Variants in RIMS1 observed in about 807,000 individuals in gnomAD.
RIMS1 encodes regulating synaptic membrane exocytosis protein 1.
In RIMS1, 83 loss-of-function variants were observed where a neutral mutation model predicts 214.1. The ratio of observed to expected loss-of-function variants is 0.39; its 90% CI spans 0.32 to 0.47. The LOEUF is 0.47. Ranked by LOEUF, RIMS1 falls within the 20% of genes least tolerant of loss-of-function variation. The pLI, the probability that RIMS1 is intolerant of heterozygous loss-of-function variation, is 0.99. For missense variants in RIMS1, 2,050 were observed against 2,161.8 expected, an observed-to-expected ratio of 0.95 and a Z score of 1.03; for synonymous variants, 793 against 786.8, an observed-to-expected ratio of 1.01 and a Z score of -0.13.
At chr6:72,106,110 G>T (rs527335935) in intron 4 of RIMS1, among the ~76,000 whole-genome samples, 2 of 151,920 alleles carry the variant, frequency 1.3e-5, no homozygotes, top group Non-Finnish European at 2.9e-5. Flanking sequence ...TTATTCATTG[G>T]CCGATTTATT....
intron 4 of RIMS1, among the ~76,000 whole-genome samples, chr6:72,140,881 C>T (rs1031811673): frequency 2.0e-5 from 3 of 151,976 alleles, no homozygotes; most frequent in Non-Finnish European, 4.4e-5. Flanking sequence ...AGCAAAAGTA[C>T]ATAGTTTTCC....
In RIMS1 at chr6:72,342,626, G is replaced by GGTGT. The variant is rs113847815; in HGVS notation, c.4366+8819_4366+8822dup. ...TTGAGGGAGTAGTAAGAGTAAGATG[G>GGTGT]GTGTGTGTGTGTGTGTGTGTGTGTG... On this transcript the variant is annotated intron_variant, in intron 29 of 33. Transcript: ENST00000521978. Among the ~76,000 whole-genome samples, 650 of 145,962 alleles carry GGTGT rather than the reference G, an allele frequency of 4.5e-3. 11 individuals are homozygous for GGTGT. In the East Asian group the frequency reaches 0.053, roughly 12 times the overall value.
rs376655069 is a variant in RIMS1 at position 72,291,977 on chromosome 6, A to G, written c.3781A>G (p.Thr1261Ala). 2.6e-6 allele frequency: 4 copies of G among 1,565,168 alleles called. No homozygotes were observed. Among genetic ancestry groups the G allele is most frequent in the Non-Finnish European group, 3.5e-6 (4 of 1,154,972 alleles). The change falls in exon 26 of 34, where the codon ACA becomes GCA. Residue 1261 changes from threonine to alanine, a missense_variant. By Grantham distance (58) the Thr-to-Ala change is moderately conservative. Transcript: ENST00000521978. ...TCCAACACAATCTCCTCCAGCAGACACATCGTTCAGCAGTCGCAGGGGAAG... is the reference window on the plus strand; with the variant it reads ...TCCAACACAATCTCCTCCAGCAGACGCATCGTTCAGCAGTCGCAGGGGAAG... ...RSPTQSPPAD[T>A]SFSSRRGRQL...
intron 1 of RIMS1, among the ~76,000 whole-genome samples, chr6:71,937,959 G>A (rs987938754): frequency 6.6e-6 from 1 of 152,012 alleles, no homozygotes; most frequent in Non-Finnish European, 1.5e-5. Context: ...ATAAAATAGG[G>A]GTGAGACTCA....
chr6:72,151,113 G>A (rs533860856), intron 4 of RIMS1, among the ~76,000 whole-genome samples: 8 of 152,232 alleles, frequency 5.3e-5, no homozygotes, highest in Non-Finnish European at 8.8e-5. Flanking sequence ...CGCAATCTCG[G>A]CTCACTGCAC....
At chr6:71,957,855 C>G (rs1236857573) in intron 1 of RIMS1, among the ~76,000 whole-genome samples, 1 of 141,972 alleles carries the variant, frequency 7.0e-6, no homozygotes, top group South Asian at 2.1e-4. Context: ...TATGCTTGAT[C>G]TTGTTGTTTT....
intron 4 of RIMS1, among the ~76,000 whole-genome samples, chr6:72,176,143 C>T (rs2047669228): frequency 6.6e-6 from 1 of 151,398 alleles, no homozygotes; most frequent in South Asian, 2.1e-4. Context: ...ATTGCACAGG[C>T]CTACTTTAGT....
At chr6:71,945,748 A>G (rs1290505043) in intron 1 of RIMS1, among the ~76,000 whole-genome samples, 2 of 94,710 alleles carry the variant, frequency 2.1e-5, no homozygotes, top group African/African-American at 8.8e-5. Context: ...CAGATGATGT[A>G]ATCTTTTTTT....
intron 2 of RIMS1, among the ~76,000 whole-genome samples, chr6:72,006,966 G>A (rs1052046740): frequency 2.0e-5 from 3 of 152,188 alleles, no homozygotes; most frequent in African/African-American, 7.2e-5. Flanking sequence ...TGACAGCTTG[G>A]AAGACAGTAG....
intron 4 of RIMS1, among the ~76,000 whole-genome samples, chr6:72,143,679 G>A (rs899468515): frequency 1.3e-5 from 2 of 152,220 alleles, no homozygotes; most frequent in Non-Finnish European, 2.9e-5. Context: ...TTTAGTTGAT[G>A]TTTAGCACTG....
chr6:71,998,940 C>G (rs1376418719), intron 2 of RIMS1, among the ~76,000 whole-genome samples: 1 of 152,014 alleles, frequency 6.6e-6, no homozygotes, highest in East Asian at 1.9e-4. Flanking sequence ...AATTCCAGAT[C>G]AAGACTAGCA....
intron 22 of RIMS1, among the ~76,000 whole-genome samples, chr6:72,270,896 G>A (rs566960625): frequency 8.5e-5 from 13 of 152,230 alleles, no homozygotes; most frequent in African/African-American, 2.9e-4. Flanking sequence ...ATGGAAACAT[G>A]AGACTTAAGG....
chr6:72,006,992 G>A (rs559787505), intron 2 of RIMS1, among the ~76,000 whole-genome samples: 2 of 152,298 alleles, frequency 1.3e-5, no homozygotes, highest in South Asian at 2.1e-4. Context: ...CTCCCAGCAC[G>A]CAGCTGGAGA....
In RIMS1 at chr6:72,392,805, C is replaced by A. The variant is rs2098720562; in HGVS notation, c.4613C>A (p.Ala1538Glu). The part of the protein sequence containing the change: ...LVGRQTLATP[A>E]MGDIQIGMED... ...GGCCGCCAAACCCTTGCCACCCCTG[C>A]AATGGGTAAGAATCATTTTTTTTTT... The change falls in exon 31 of 34, where the codon GCA becomes GAA. Residue 1538 changes from alanine (A) to glutamate (E), a missense_variant. Ala to Glu is a moderately radical substitution (Grantham distance 107). Around this residue, in one of 6 missense-constraint regions of RIMS1, gnomAD observed 121 missense variants for 187.3 expected, o/e 0.65. Coordinates refer to ENST00000521978, the MANE Select transcript of RIMS1 (RefSeq NM_014989.7). 1 of 1,597,124 alleles carries A rather than the reference C, an allele frequency of 6.3e-7. No homozygotes were observed. The highest frequency in any genetic ancestry group is 8.6e-7 in the Non-Finnish European group (1 of 1,168,532).
At chr6:72,245,695 A>G (rs2069178209) in intron 10 of RIMS1, 120 bp from the exon 11 acceptor site, 2 of 700,686 alleles carry the variant, frequency 2.9e-6, no homozygotes, top group South Asian at 1.9e-5. Context: ...AGTAACTCCT[A>G]TTCATTTCCA....
intron 4 of RIMS1, among the ~76,000 whole-genome samples, chr6:72,139,114 CTG>C (rs374647869): frequency 1.9e-4 from 29 of 151,598 alleles, no homozygotes; most frequent in African/African-American, 6.5e-4. Flanking sequence ...TTCTGTGTGT[CTG>C]TGTGTGTGTG....
At chr6:72,255,277 C>T (rs1466400977) in intron 16 of RIMS1, among the ~76,000 whole-genome samples, 1 of 152,154 alleles carries the variant, frequency 6.6e-6, no homozygotes, top group African/African-American at 2.4e-5. Context: ...GTCTACGTTT[C>T]CTAGCATCCA....
intron 29 of RIMS1, among the ~76,000 whole-genome samples, chr6:72,383,607 C>CT (rs1270869480): frequency 2.2e-4 from 15 of 69,598 alleles, no homozygotes; most frequent in African/African-American, 7.7e-4. Flanking sequence ...GACCCCATCT[C>CT]TAAAAAAAAA....
chr6:72,311,503 A>T (rs919631434), intron 27 of RIMS1, among the ~76,000 whole-genome samples: 3 of 152,218 alleles, frequency 2.0e-5, no homozygotes, highest in African/African-American at 7.2e-5. Context: ...TCAAACATGA[A>T]ATCATATAAA....
Sources: gnomAD v4.1 joint callset for allele counts (sites outside exome capture counted in the v4.1 genomes callset) on GRCh38, gnomAD v4.1.1 for gene constraint, gnomAD v4.1.1 regional missense constraint, MANE v1.5 for transcripts, NCBI Gene and HGNC (gene_info 2026-07-23, HGNC 2026-07-21) for gene names.